PPP2CA: variants seen among roughly 807,000 people sequenced by gnomAD.
PPP2CA encodes the protein serine/threonine-protein phosphatase 2A catalytic subunit alpha isoform.
Under a neutral mutation model 38.8 loss-of-function variants are expected in PPP2CA, and 5 were observed. The ratio of observed to expected loss-of-function variants is 0.13; its 90% CI spans 0.07 to 0.27. The LOEUF (loss-of-function observed/expected upper bound fraction) is 0.27. Among genes scored for constraint, PPP2CA ranks in the 10% least tolerant of loss-of-function variants. The pLI is 1.00. For synonymous variants in PPP2CA, 152 were observed against 134.0 expected, an observed-to-expected ratio of 1.13 and a Z score of -0.93; for missense variants, 88 against 389.7, an observed-to-expected ratio of 0.23 and a Z score of 6.52.
At chr5:134,213,080 C>T (rs1762239455) in intron 1 of PPP2CA, among the ~76,000 whole-genome samples, 1 of 152,202 alleles carries the variant, frequency 6.6e-6, no homozygotes, top group Non-Finnish European at 1.5e-5. Context: ...GGTGGTTGCA[C>T]TAAACAACAG....
chr5:134,218,506 G>C (rs1441448894), intron 1 of PPP2CA, among the ~76,000 whole-genome samples: 1 of 151,964 alleles, frequency 6.6e-6, no homozygotes, highest in Non-Finnish European at 1.5e-5. Context: ...TTCCTGCATA[G>C]AAAAAGAAGT....
At chr5:134,203,491 T>A (rs1486912226) in intron 2 of PPP2CA, 1 of 152,258 alleles carries the variant, frequency 6.6e-6, no homozygotes, top group East Asian at 1.9e-4. Flanking sequence ...TTTCTTCTGA[T>A]GGCCTCTCTC....
chr5:134,198,191 C>T (rs1159261824), intron 6 of PPP2CA, among the ~76,000 whole-genome samples: 2 of 151,288 alleles, frequency 1.3e-5, no homozygotes, highest in African/African-American at 4.9e-5. Flanking sequence ...GAGATCAAGA[C>T]CATCCTGGCT....
chr5:134,202,445 G>GT (rs1203679211), intron 2 of PPP2CA: 1 of 150,638 alleles, frequency 6.6e-6, no homozygotes, highest in African/African-American at 2.5e-5. Flanking sequence ...ACTGTCTTGA[G>GT]TTTGTCTTTT....
intron 1 of PPP2CA, among the ~76,000 whole-genome samples, chr5:134,213,603 T>C (rs1192194130): frequency 1.3e-5 from 2 of 151,618 alleles, no homozygotes; most frequent in African/African-American, 2.4e-5. Flanking sequence ...CTGGGCAATG[T>C]GGCGAGACCC....
Position 134,226,019 on chromosome 5 carries a change from T to TCGGCCGC in PPP2CA, c.-165_-159dup, listed in dbSNP as rs1762574931. 3.1e-5 allele frequency: 18 copies of TCGGCCGC among 582,714 alleles called. No homozygotes were observed. Among genetic ancestry groups the TCGGCCGC allele is most frequent in the South Asian group, 3.0e-4 (14 of 46,094 alleles). The allele number at this position is 582,714 out of a possible 1,614,324, so 36.1% of individuals were successfully genotyped here. A position where few individuals can be genotyped will look rare whatever the true frequency, so the allele number is the denominator to read the frequency against. ...TGGCTCTCACCGCAGTACTCGGCCG[T>TCGGCCGC]CGGCCGCTGCGCCTCCTCCTCCGCT... On this transcript the variant is annotated 5_prime_UTR_variant, in exon 1 of 7. Coordinates refer to ENST00000481195, the MANE Select transcript of PPP2CA (RefSeq NM_002715.4).
intron 1 of PPP2CA, among the ~76,000 whole-genome samples, chr5:134,216,900 C>T (rs527445875): frequency 6.6e-6 from 1 of 152,320 alleles, no homozygotes; most frequent in South Asian, 2.1e-4. Flanking sequence ...CAAAATCAGA[C>T]ACAAATAACC....
intron 2 of PPP2CA, chr5:134,202,506 T>A (rs1354662294): frequency 6.5e-6 from 1 of 154,226 alleles, no homozygotes; most frequent in African/African-American, 2.4e-5. Flanking sequence ...TGGCTAAATA[T>A]CACTTAGAAT....
chr5:134,201,218 C>T, intron 3 of PPP2CA, 144 bp from the exon 4 acceptor site: 1 of 633,630 alleles, frequency 1.6e-6, no homozygotes, highest in Non-Finnish European at 2.8e-6. Context: ...TTGAGACCAA[C>T]CTGAGCAACA....
rs566687605 is a variant in PPP2CA at position 134,215,487 on chromosome 5, A to C, written c.103-9356T>G. On this transcript the variant is annotated intron_variant, in intron 1 of 6. Coordinates refer to ENST00000481195, the MANE Select transcript of PPP2CA (RefSeq NM_002715.4). Reference sequence around the variant, plus strand: ...CTACTCAGGAGGCTGAGGCAGGAGAATCGCTTGAACCCAGGAGGTGGAGGT... The same window carrying C: ...CTACTCAGGAGGCTGAGGCAGGAGACTCGCTTGAACCCAGGAGGTGGAGGT... Among the ~76,000 whole-genome samples the C allele has an allele frequency of 3.3e-5, 5 of 152,332 alleles. No individual in the cohort carries two copies. In the South Asian group the frequency reaches 1.0e-3, roughly 32 times the overall value.
At chr5:134,205,715 T>C (rs1293433531) in intron 2 of PPP2CA, 3 of 504,478 alleles carry the variant, frequency 5.9e-6, no homozygotes, top group African/African-American at 5.9e-5. Context: ...GAGGCATTCA[T>C]TCTCCTCCTT....
chr5:134,206,127 T>C lies in PPP2CA; in HGVS notation c.107A>G (p.Lys36Arg). 1 of 1,613,374 alleles carries C rather than the reference T, an allele frequency of 6.2e-7. No homozygotes were observed. Among genetic ancestry groups the C allele is most frequent in the East Asian group, 2.2e-5 (1 of 44,860 alleles). ...GTTGGATTCTTTTGTCAGGATTTCT[T>C]TAGCCTACAGATGGGAGACAAAAAT... ...SQVKSLCEKA[K>R]EILTKESNVQ... The change falls in exon 2 of 7, where the codon AAA becomes AGA. Residue 36 changes from lysine (K) to arginine (R), a missense_variant. Lys to Arg is a conservative substitution (Grantham distance 26, BLOSUM62 2). Transcript: ENST00000481195.
chr5:134,217,923 T>G (rs1762355661), intron 1 of PPP2CA, among the ~76,000 whole-genome samples: 1 of 152,246 alleles, frequency 6.6e-6, no homozygotes, highest in African/African-American at 2.4e-5. Context: ...GCATTTACTG[T>G]ACTGAATGCT....
chr5:134,195,760 G>A lies in PPP2CA; in HGVS notation c.*2012C>T, dbSNP rs1444350155. 1 of 152,156 alleles carries A rather than the reference G, an allele frequency of 6.6e-6. No individual in the cohort carries two copies. Among genetic ancestry groups the A allele is most frequent in the African/African-American group, 2.4e-5 (1 of 41,428 alleles). The allele number at this position is 152,156 out of a possible 1,614,324, so 9.4% of individuals were successfully genotyped here. A position where few individuals can be genotyped will look rare whatever the true frequency, so the allele number is the denominator to read the frequency against. ...TTCCAGTTTAGATGGCCAAAGCCCG[G>A]TCAGTCTCTATAATTAAACAATTAT... On this transcript the variant is annotated 3_prime_UTR_variant, in exon 7 of 7. Coordinates refer to ENST00000481195, the MANE Select transcript of PPP2CA (RefSeq NM_002715.4).
intron 1 of PPP2CA, among the ~76,000 whole-genome samples, chr5:134,221,606 T>C (rs1762444085): frequency 6.6e-6 from 1 of 152,112 alleles, no homozygotes; most frequent in Non-Finnish European, 1.5e-5. Context: ...GAATAATAAT[T>C]ACTCTTTCCA....
Position 134,202,787 on chromosome 5 carries a change from T to C in PPP2CA, c.313-766A>G, listed in dbSNP as rs576519326. Among the ~76,000 whole-genome samples the C allele has an allele frequency of 5.8e-4, 89 of 152,364 alleles. No individual in the cohort carries two copies. In the Middle Eastern group the frequency reaches 0.014, roughly 23 times the overall value. The stretch of plus-strand genomic sequence containing the variant: ...GGATCACCTGGTAACGTTTAACTTT[T>C]TGAGAAACAGTCAAACTGTTTTTCA... On this transcript the variant is annotated intron_variant, in intron 2 of 6. Transcript: ENST00000481195.
At chr5:134,200,574 G>C in intron 4 of PPP2CA, 78 bp from the exon 5 acceptor site, 3 of 1,478,382 alleles carry the variant, frequency 2.0e-6, no homozygotes, top group Non-Finnish European at 2.8e-6. Context: ...ATCAGAAGCA[G>C]CACCCTAAGC....
intron 2 of PPP2CA, 152 bp downstream of exon 2, chr5:134,205,770 T>G (rs1316728274): frequency 1.1e-5 from 7 of 638,376 alleles, no homozygotes; most frequent in East Asian, 8.4e-5. Context: ...CGCAGACGCC[T>G]ATGATTTTTA....
intron 1 of PPP2CA, among the ~76,000 whole-genome samples, chr5:134,211,459 G>A (rs553530800): frequency 2.1e-5 from 3 of 142,736 alleles, no homozygotes; most frequent in Admixed American, 7.3e-5. Context: ...CATCCATGCT[G>A]TTTTTCATGG....
Sources: gnomAD v4.1 joint callset for allele counts (sites outside exome capture counted in the v4.1 genomes callset) on GRCh38, gnomAD v4.1.1 for gene constraint, MANE v1.5 for transcripts, NCBI Gene and HGNC (gene_info 2026-07-23, HGNC 2026-07-21) for gene names.